Variants in CDK13 observed in about 807,000 individuals in gnomAD.
CDK13 encodes the protein cyclin dependent kinase 13.
CDK13 carries 40 observed loss-of-function variants against 137.6 expected under a neutral mutation model. The observed-to-expected ratio is 0.29, with a 90% CI of 0.23 to 0.38. CDK13 has a LOEUF of 0.38. CDK13 is among the 10% of genes least tolerant of loss of function. The pLI is 1.00. For synonymous variants in CDK13, 869 were observed against 760.1 expected (o/e 1.14, Z -2.36); for missense variants, 1,704 against 1,951.8 (o/e 0.87, Z 2.39).
At chr7:40,069,970 T>C (rs1786375029) in intron 9 of CDK13, 1 of 148,608 alleles carries the variant, frequency 6.7e-6, no homozygotes, top group African/African-American at 2.5e-5. Context: ...ATCCTAGCAC[T>C]TTGGGAGGCC....
At chr7:40,069,913 C>G (rs1786373142) in intron 9 of CDK13, 2 of 151,646 alleles carry the variant, frequency 1.3e-5, no homozygotes, top group African/African-American at 4.9e-5. Flanking sequence ...GAAACCCCGT[C>G]TCTGCTAAAA....
chr7:40,092,266 C>G (rs1446078351), intron 12 of CDK13: 1 of 153,366 alleles, frequency 6.5e-6, no homozygotes, highest in Admixed American at 6.5e-5. Flanking sequence ...ATTGTGGAAT[C>G]AGAATATCAG....
At chr7:40,045,509 C>T (rs1489659612) in intron 5 of CDK13, among the ~76,000 whole-genome samples, 2 of 145,536 alleles carry the variant, frequency 1.4e-5, no homozygotes, top group African/African-American at 5.1e-5. Context: ...TGACTTTATT[C>T]AGCTTCTAAG....
At chr7:40,051,001 T>A (rs1349775635) in intron 7 of CDK13, among the ~76,000 whole-genome samples, 1 of 152,206 alleles carries the variant, frequency 6.6e-6, no homozygotes, top group Non-Finnish European at 1.5e-5. Flanking sequence ...ATTTTCATTT[T>A]AAAATATAAT....
chr7:40,045,434 T>G (rs936597056), intron 5 of CDK13, among the ~76,000 whole-genome samples: 1 of 84,214 alleles, frequency 1.2e-5, no homozygotes, highest in African/African-American at 2.5e-4. Context: ...CCTGTACTCT[T>G]TTTTTTTTTT....
chr7:40,092,622 T>G, intron 12 of CDK13, 163 bp from the exon 13 acceptor site: 1 of 590,438 alleles, frequency 1.7e-6, no homozygotes, highest in South Asian at 2.3e-5. Context: ...ACATTTTAAA[T>G]GTACATGATA....
intron 2 of CDK13, among the ~76,000 whole-genome samples, chr7:39,991,461 G>C (rs1377944361): frequency 6.7e-6 from 1 of 149,668 alleles, no homozygotes; most frequent in Non-Finnish European, 1.5e-5. Context: ...TTTCACTGTT[G>C]TATCCACAAA....
chr7:39,997,452 A>G (rs1784588208), intron 2 of CDK13, 42 bp from the exon 3 acceptor site: 1 of 1,517,462 alleles, frequency 6.6e-7, no homozygotes, highest in Non-Finnish European at 9.0e-7. Context: ...TTATTAGTCA[A>G]CAAAATTTTT....
At chr7:40,059,045 T>G (rs542093118) in intron 7 of CDK13, among the ~76,000 whole-genome samples, 3 of 150,938 alleles carry the variant, frequency 2.0e-5, no homozygotes, top group African/African-American at 7.5e-5. Flanking sequence ...AGGTATTTCA[T>G]TTTATATGAT....
Position 39,951,557 on chromosome 7 carries a change from G to A in CDK13, c.916G>A (p.Glu306Lys), listed in dbSNP as rs754908102. Residue 306 changes from glutamate (E) to lysine (K), a missense_variant, in exon 1 of 14, where the codon GAG becomes AAG. By Grantham distance (56) the Glu-to-Lys change is moderately conservative. Transcript: ENST00000181839. Reference sequence around the variant, plus strand: ...CAAGGCCTACCGGGAGGACAAGACCGAGCCTAAGGCCTACAGGCGGCGGCG... The same window carrying A: ...CAAGGCCTACCGGGAGGACAAGACCAAGCCTAAGGCCTACAGGCGGCGGCG... ...PPKAYREDKT[E>K]PKAYRRRRSL... The A allele has an allele frequency of 1.3e-6, 2 of 1,535,028 alleles. No individual in the cohort carries two copies. The highest frequency in any genetic ancestry group is 1.2e-5 in the South Asian group (1 of 82,328).
At chr7:39,980,124 T>G (rs1020817347) in intron 1 of CDK13, among the ~76,000 whole-genome samples, 2 of 152,164 alleles carry the variant, frequency 1.3e-5, no homozygotes, top group African/African-American at 4.8e-5. Flanking sequence ...ATCAGACACA[T>G]TCAGAGGGTA....
chr7:39,994,678 T>C (rs1232262148), intron 2 of CDK13, among the ~76,000 whole-genome samples: 1 of 152,196 alleles, frequency 6.6e-6, no homozygotes, highest in Non-Finnish European at 1.5e-5. Flanking sequence ...AACCTGAATA[T>C]TATGTAAATC....
At chr7:40,051,466 A>G (rs1785886752) in intron 7 of CDK13, among the ~76,000 whole-genome samples, 1 of 152,136 alleles carries the variant, frequency 6.6e-6, no homozygotes, top group Non-Finnish European at 1.5e-5. Context: ...GTAACAAATG[A>G]TTTTTCATTC....
chr7:40,073,580 C>G (rs960819180), intron 9 of CDK13: 1 of 132,110 alleles, frequency 7.6e-6, no homozygotes, highest in Non-Finnish European at 1.8e-5. Context: ...CTTTCTTTTT[C>G]TTTTTCTTTC....
At chr7:39,982,895 C>T (rs1040829303) in intron 1 of CDK13, among the ~76,000 whole-genome samples, 25 of 152,034 alleles carry the variant, frequency 1.6e-4, no homozygotes, top group Admixed American at 2.0e-4. Context: ...TGTTTGAGTT[C>T]ATTGTAGATT....
At chr7:40,068,710 A>G (rs933720852) in intron 9 of CDK13, among the ~76,000 whole-genome samples, 1 of 142,814 alleles carries the variant, frequency 7.0e-6, no homozygotes, top group Admixed American at 6.9e-5. Flanking sequence ...TGTCTCAGAA[A>G]AAAAAAAAAA....
At chr7:39,986,194 T>A (rs546360189) in intron 1 of CDK13, 1 of 152,338 alleles carries the variant, frequency 6.6e-6, no homozygotes, top group South Asian at 2.1e-4. Context: ...ATGCATACTT[T>A]ACTGGGTTGA....
intron 10 of CDK13, 26 bp downstream of exon 10, chr7:40,078,147 T>G (rs758799730): frequency 1.9e-6 from 2 of 1,050,420 alleles, no homozygotes; most frequent in South Asian, 2.9e-5. Flanking sequence ...GTAAACATCC[T>G]TATTGCATGA....
chr7:39,976,911 G>A (rs533434981), intron 1 of CDK13, among the ~76,000 whole-genome samples: 5 of 152,090 alleles, frequency 3.3e-5, no homozygotes, highest in African/African-American at 7.2e-5. Context: ...TTATGCTAGG[G>A]GCTGTGGAGT....
Sources: allele counts gnomAD v4.1 joint callset (sites outside exome capture counted in the v4.1 genomes callset), GRCh38; gene constraint gnomAD v4.1.1; transcripts MANE v1.5; gene names NCBI Gene and HGNC (gene_info 2026-07-23, HGNC 2026-07-21).